Variants in ZNRF1 observed in about 807,000 individuals in gnomAD.
The protein encoded by ZNRF1 is E3 ubiquitin-protein ligase ZNRF1.
Under a neutral mutation model 18.4 loss-of-function variants are expected in ZNRF1, and 3 were observed. That is an observed-to-expected ratio of 0.16 (90% CI 0.07 to 0.42). ZNRF1 has a LOEUF of 0.42. Ranked by LOEUF, ZNRF1 falls within the 10% of genes least tolerant of loss-of-function variation. The pLI, the probability that ZNRF1 is intolerant of heterozygous loss-of-function variation, is 0.99. For missense variants in ZNRF1, 310 were observed against 329.8 expected (o/e 0.94, Z 0.47); for synonymous variants, 157 against 144.2 (o/e 1.09, Z -0.64).
At chr16:75,047,507 G>A (rs531859180) in intron 1 of ZNRF1, among the ~76,000 whole-genome samples, 2 of 152,338 alleles carry the variant, frequency 1.3e-5, no homozygotes, top group South Asian at 2.1e-4. Flanking sequence ...TTGATTCCAC[G>A]TTTCCGTGGT....
At chr16:75,007,190 T>G (rs932717970) in intron 1 of ZNRF1, among the ~76,000 whole-genome samples, 2 of 152,040 alleles carry the variant, frequency 1.3e-5, no homozygotes, top group African/African-American at 4.8e-5. Context: ...CCTGAGTAGC[T>G]GGGACTACAG....
At chr16:75,040,012 A>G (rs1379785832) in intron 1 of ZNRF1, among the ~76,000 whole-genome samples, 1 of 147,428 alleles carries the variant, frequency 6.8e-6, no homozygotes, top group Non-Finnish European at 1.5e-5. Context: ...TGAAACCATC[A>G]CTAAAATCTT....
chr16:75,082,580 G>T (rs1412641849), intron 1 of ZNRF1, among the ~76,000 whole-genome samples: 12 of 152,140 alleles, frequency 7.9e-5, no homozygotes, highest in Non-Finnish European at 1.8e-4. Flanking sequence ...TTGAGACGGG[G>T]TCTTGCTCTG....
At chr16:75,055,305 G>T (rs1340194730) in intron 1 of ZNRF1, among the ~76,000 whole-genome samples, 1 of 152,192 alleles carries the variant, frequency 6.6e-6, no homozygotes, top group South Asian at 2.1e-4. Context: ...GCGGAGTCTC[G>T]CTGTATCACC....
chr16:75,083,910 G>C (rs1367934435), intron 1 of ZNRF1, among the ~76,000 whole-genome samples: 1 of 152,172 alleles, frequency 6.6e-6, no homozygotes, highest in African/African-American at 2.4e-5. Context: ...GGCAGGACTG[G>C]CCAGGACTAG....
intron 1 of ZNRF1, chr16:75,084,618 G>C (rs1316603375): frequency 6.6e-6 from 1 of 152,212 alleles, no homozygotes; most frequent in African/African-American, 2.4e-5. Flanking sequence ...TATCCATTCA[G>C]CTGTCAGAAT....
chr16:75,102,598 C>G (rs1040109998), intron 2 of ZNRF1, among the ~76,000 whole-genome samples: 2 of 152,178 alleles, frequency 1.3e-5, no homozygotes, highest in African/African-American at 4.8e-5. Flanking sequence ...ACCTGCCCTT[C>G]AAATATTCAT....
chr16:75,024,281 G>A (rs111728265), intron 1 of ZNRF1, among the ~76,000 whole-genome samples: 6,392 of 152,192 alleles, frequency 0.042, 451 homozygotes, highest in African/African-American at 0.15. Context: ...ATTGAGGCTC[G>A]GAGTTTACTG....
chr16:75,101,371 T>C (rs2036253782), intron 2 of ZNRF1, among the ~76,000 whole-genome samples: 1 of 152,162 alleles, frequency 6.6e-6, no homozygotes, highest in Non-Finnish European at 1.5e-5. Flanking sequence ...CTGGCTAACA[T>C]GATGAGACCC....
At chr16:75,073,726 C>G (rs1363673503) in intron 1 of ZNRF1, among the ~76,000 whole-genome samples, 1 of 152,058 alleles carries the variant, frequency 6.6e-6, no homozygotes, top group African/African-American at 2.4e-5. Context: ...TGTACATGCT[C>G]TGCGGGGACC....
In ZNRF1 at chr16:75,051,261, G is replaced by A. The variant is rs1199210621; in HGVS notation, c.425-42311G>A. ...CTCACTCTGTCGCCTAGTCTGGAGTGCAGTGGCACAATCTCAGCTCACTGC... is the reference window on the plus strand; with the variant it reads ...CTCACTCTGTCGCCTAGTCTGGAGTACAGTGGCACAATCTCAGCTCACTGC... On this transcript the variant is annotated intron_variant, in intron 1 of 4. Coordinates refer to ENST00000335325, the MANE Select transcript of ZNRF1 (RefSeq NM_032268.5). Among the ~76,000 whole-genome samples the A allele has an allele frequency of 2.0e-5, 3 of 151,978 alleles. 1 individual carries two copies. The highest frequency in any genetic ancestry group is 4.2e-4 in the South Asian group (2 of 4,816).
At position 75,100,839 on chromosome 16, in the gene ZNRF1, A is replaced by G. The variant is rs372296951; in HGVS notation, c.521-3945A>G. On this transcript the variant is annotated intron_variant, in intron 2 of 4. Coordinates refer to ENST00000335325, the MANE Select transcript of ZNRF1 (RefSeq NM_032268.5). The stretch of plus-strand genomic sequence containing the variant: ...ATACAGGTCCAAGAATGTCTGCATG[A>G]CGACTCTGCCCTCACTAAGCTATGC... Among the ~76,000 whole-genome samples, 15 of 152,326 alleles carry G rather than the reference A, an allele frequency of 9.8e-5. 2 individuals carry two copies. Among genetic ancestry groups the G allele is most frequent in the East Asian group, 7.7e-4 (4 of 5,186 alleles).
chr16:75,092,262 AGAG>A (rs544029258), intron 1 of ZNRF1, among the ~76,000 whole-genome samples: 2 of 152,122 alleles, frequency 1.3e-5, no homozygotes, highest in African/African-American at 2.4e-5. Context: ...AGTAGGCTGA[AGAG>A]GAGGAGGAGG....
chr16:75,074,228 C>T (rs1172465310), intron 1 of ZNRF1, among the ~76,000 whole-genome samples: 4 of 152,108 alleles, frequency 2.6e-5, no homozygotes, highest in Admixed American at 2.0e-4. Context: ...TGGAAGGAGG[C>T]GATGCAGTAG....
chr16:75,035,218 G>C (rs2145355150), intron 1 of ZNRF1, among the ~76,000 whole-genome samples: 1 of 149,422 alleles, frequency 6.7e-6, no homozygotes, highest in South Asian at 2.1e-4. Flanking sequence ...AATTTTTGTA[G>C]TGACAGGGTT....
At chr16:75,041,425 G>A (rs2035445734) in intron 1 of ZNRF1, among the ~76,000 whole-genome samples, 6 of 152,080 alleles carry the variant, frequency 3.9e-5, no homozygotes, top group Admixed American at 3.9e-4. Context: ...TGCCTCCTGG[G>A]TTCAAGTGAT....
intron 3 of ZNRF1, chr16:75,105,647 A>G (rs1423323096): frequency 2.0e-5 from 3 of 152,258 alleles, no homozygotes; most frequent in Non-Finnish European, 2.9e-5. Flanking sequence ...CTGGCCTGGG[A>G]GAGATTCTTG....
intron 2 of ZNRF1, chr16:75,095,870 C>T (rs1195501329): frequency 1.1e-6 from 1 of 906,152 alleles, no homozygotes; most frequent in African/African-American, 1.7e-5. Flanking sequence ...CTACACCCCA[C>T]CACCGGCAGC....
rs143668124 is a variant in ZNRF1, at chr16:75,069,538, C to T, written c.425-24034C>T. Among the ~76,000 whole-genome samples the T allele has an allele frequency of 9.5e-4, 144 of 152,284 alleles. 2 individuals carry two copies. The highest frequency in any genetic ancestry group is 2.4e-3 in the African/African-American group (101 of 41,558). ...AAGCAATTCTTCTGCCTTAGCCTCT[C>T]GAGTAGCTGGAACTACAGGTGGGTG... On this transcript the variant is annotated intron_variant, in intron 1 of 4. Transcript: ENST00000335325.
Sources: gnomAD v4.1 joint callset for allele counts (sites outside exome capture counted in the v4.1 genomes callset) on GRCh38, gnomAD v4.1.1 for gene constraint, MANE v1.5 for transcripts, NCBI Gene and HGNC (gene_info 2026-07-23, HGNC 2026-07-21) for gene names.